BAZ1A: variants seen among roughly 807,000 people sequenced by gnomAD.
BAZ1A encodes bromodomain adjacent to zinc finger domain 1A, also known as bromodomain adjacent to zinc finger domain protein 1A.
BAZ1A carries 50 observed loss-of-function variants against 185.2 expected under a neutral mutation model. The ratio of observed to expected loss-of-function variants is 0.27; its 90% CI spans 0.22 to 0.34. The LOEUF (loss-of-function observed/expected upper bound fraction) is 0.34. BAZ1A is among the 10% of genes least tolerant of loss of function. The pLI is 1.00. For missense variants in BAZ1A, 1,356 were observed against 1,839.9 expected (o/e 0.74, Z 4.81); for synonymous variants, 571 against 615.6 (o/e 0.93, Z 1.07).
At chr14:34,785,056 A>G (rs1188677910) in intron 14 of BAZ1A, among the ~76,000 whole-genome samples, 1 of 151,778 alleles carries the variant, frequency 6.6e-6, no homozygotes, top group Non-Finnish European at 1.5e-5. Context: ...GTGTTTCACC[A>G]TGTTGGCCAG....
At chr14:34,815,198 C>G (rs1332637896) in intron 4 of BAZ1A, among the ~76,000 whole-genome samples, 1 of 152,060 alleles carries the variant, frequency 6.6e-6, no homozygotes, top group Non-Finnish European at 1.5e-5. Flanking sequence ...AAATTTTTTT[C>G]TAATCAGTGA....
chr14:34,753,600 G>A lies in BAZ1A; in HGVS notation c.4579C>T (p.His1527Tyr), dbSNP rs1303027655. 2 of 1,613,756 alleles carry A rather than the reference G, an allele frequency of 1.2e-6. No individual in the cohort carries two copies. Among genetic ancestry groups the A allele is most frequent in the Non-Finnish European group, 1.7e-6 (2 of 1,179,930 alleles). ...KAGTRLQAFF[H>Y]IQAQKLGLHV... ...AGTCCAAGCTTTTGAGCCTGAATAT[G>A]AAAAAATGCTTGAAGCCTAGTTCCA... Residue 1527 changes from histidine to tyrosine, a missense_variant, in exon 27 of 27, where the codon CAT (histidine) becomes TAT (tyrosine). His to Tyr is a moderately conservative substitution (Grantham distance 83). This residue lies in a region of BAZ1A where 61 missense variants were observed against 117.9 expected (regional missense o/e 0.52). Coordinates refer to ENST00000360310, the MANE Select transcript of BAZ1A (RefSeq NM_013448.3).
chr14:34,840,626 G>A (rs2042398171), intron 3 of BAZ1A, among the ~76,000 whole-genome samples: 1 of 152,000 alleles, frequency 6.6e-6, no homozygotes, highest in Admixed American at 6.6e-5. Flanking sequence ...TGGCATGGTG[G>A]TGGGCCCCTG....
intron 3 of BAZ1A, among the ~76,000 whole-genome samples, chr14:34,853,932 T>C (rs2042635829): frequency 6.6e-6 from 1 of 152,266 alleles, no homozygotes; most frequent in Non-Finnish European, 1.5e-5. Flanking sequence ...GCAGTCCCTT[T>C]ACTGGAAATC....
rs747310884 is a variant in BAZ1A at position 34,826,112 on chromosome 14, T to A, written c.437A>T (p.Asn146Ile). 1.2e-6 allele frequency: 2 copies of A among 1,612,642 alleles called. No individual in the cohort carries two copies. The highest frequency in any genetic ancestry group is 3.3e-5 in the Admixed American group (2 of 59,820). The stretch of plus-strand genomic sequence containing the variant: ...GTTAACATGTCCATTAGCAAAACCA[T>A]TTTGATGTGATGGAGGGAGGACTTC... ...ILEVLPPSHQ[N>I]GFANGHVNSV... The change falls in exon 4 of 27, where the codon AAT becomes ATT. Residue 146 changes from asparagine to isoleucine, a missense_variant. Physicochemically the swap from Asn to Ile is moderately radical, Grantham distance 149 (BLOSUM62 -3). Around this residue, in one of 7 missense-constraint regions of BAZ1A, gnomAD observed 332 missense variants for 395.3 expected, o/e 0.84. Transcript: ENST00000360310.
chr14:34,832,228 A>ATATATATATATATATATATATATG (rs1437244262), intron 3 of BAZ1A, among the ~76,000 whole-genome samples: 1 of 143,444 alleles, frequency 7.0e-6, no homozygotes, highest in East Asian at 2.0e-4. Context: ...ATATATATAT[A>ATATATATATATATATATATATATG]TATGTATGTA....
At chr14:34,860,518 T>TAAAAAAAAAAAAAA (rs397852116) in intron 3 of BAZ1A, among the ~76,000 whole-genome samples, 1 of 70,602 alleles carries the variant, frequency 1.4e-5, no homozygotes. Flanking sequence ...TACCAAAAGT[T>TAAAAAAAAAAAAAA]AAAAAAAAAA....
chr14:34,766,567 A>C (rs935154193), intron 21 of BAZ1A, among the ~76,000 whole-genome samples: 1 of 152,152 alleles, frequency 6.6e-6, no homozygotes, highest in Non-Finnish European at 1.5e-5. Context: ...AACAGGCACT[A>C]CATGAAAAAA....
chr14:34,789,637 T>C (rs181869107), intron 12 of BAZ1A, among the ~76,000 whole-genome samples: 1 of 152,286 alleles, frequency 6.6e-6, no homozygotes, highest in African/African-American at 2.4e-5. Flanking sequence ...TTCCCATACT[T>C]TGAAGGGCTT....
chr14:34,820,132 T>TTTG (rs1594872830), intron 4 of BAZ1A, among the ~76,000 whole-genome samples: 1 of 144,184 alleles, frequency 6.9e-6, no homozygotes, highest in East Asian at 2.0e-4. Flanking sequence ...GTTTTTTTTT[T>TTTG]TTTTTTTTTT....
At chr14:34,834,111 G>A (rs950404892) in intron 3 of BAZ1A, among the ~76,000 whole-genome samples, 2 of 152,120 alleles carry the variant, frequency 1.3e-5, no homozygotes, top group African/African-American at 4.8e-5. Flanking sequence ...CTGTACTTTA[G>A]TAACATGAGC....
chr14:34,755,727 C>T (rs1886210606), intron 25 of BAZ1A, among the ~76,000 whole-genome samples: 2 of 137,218 alleles, frequency 1.5e-5, no homozygotes. Context: ...AGATCACATT[C>T]TGCCATATAT....
chr14:34,797,720 T>TCCAG (rs1387226541), intron 9 of BAZ1A, among the ~76,000 whole-genome samples: 6 of 152,218 alleles, frequency 3.9e-5, no homozygotes, highest in Non-Finnish European at 7.3e-5. Flanking sequence ...GCCGGTCCAG[T>TCCAG]CTGCAGCTCC....
intron 3 of BAZ1A, among the ~76,000 whole-genome samples, chr14:34,852,410 G>C (rs1006136641): frequency 1.3e-5 from 2 of 152,160 alleles, no homozygotes; most frequent in South Asian, 4.1e-4. Context: ...CATGGGGCCA[G>C]GAGTTCAAGA....
intron 2 of BAZ1A, among the ~76,000 whole-genome samples, chr14:34,863,334 T>G (rs920328571): frequency 6.6e-6 from 1 of 151,722 alleles, no homozygotes; most frequent in African/African-American, 2.4e-5. Flanking sequence ...CGGCTAATTT[T>G]GTATTTTTAG....
At position 34,866,502 on chromosome 14, in the gene BAZ1A, A is replaced by AAAAAAAAAAAAAAAAAAAAAAAAAGAAAG; in HGVS notation, c.114-4181_114-4180insCTTTCTTTTTTTTTTTTTTTTTTTTTTTT. Among the ~76,000 whole-genome samples, 8 of 79,536 alleles carry AAAAAAAAAAAAAAAAAAAAAAAAAGAAAG rather than the reference A, an allele frequency of 1.0e-4. 1 individual carries two copies. The highest frequency in any genetic ancestry group is 2.7e-4 in the East Asian group (1 of 3,710). The allele number at this position is 79,536 out of a possible 152,430, so 52.2% of individuals were successfully genotyped here. A position where few individuals can be genotyped will look rare whatever the true frequency, so the allele number is the denominator to read the frequency against. The stretch of plus-strand genomic sequence containing the variant: ...AACAATATCTCAAAAAAAAAAAAAA[A>AAAAAAAAAAAAAAAAAAAAAAAAAGAAAG]GAAAAAAGTTCTAACTTTTTCCTAT... On this transcript the variant is annotated intron_variant, in intron 2 of 26. Coordinates refer to ENST00000360310, the MANE Select transcript of BAZ1A (RefSeq NM_013448.3).
At chr14:34,807,155 G>C (rs1881895427) in intron 6 of BAZ1A, among the ~76,000 whole-genome samples, 1 of 150,254 alleles carries the variant, frequency 6.7e-6, no homozygotes, top group Non-Finnish European at 1.5e-5. Flanking sequence ...CACACTATAG[G>C]TATTAGGAAG....
At position 34,831,413 on chromosome 14, in the gene BAZ1A, C is replaced by T. The variant is rs145777523; in HGVS notation, c.393-5257G>A. Among the ~76,000 whole-genome samples, 35 of 152,212 alleles carry T rather than the reference C, an allele frequency of 2.3e-4. 1 individual carries two copies. Among genetic ancestry groups the T allele is most frequent in the African/African-American group, 7.2e-4 (30 of 41,532 alleles). Reference sequence around the variant, plus strand: ...CTGTAAGATAAAATTCTGGTGCTGTCGGCAGCCATATATCCTGCTACATGG... The same window carrying T: ...CTGTAAGATAAAATTCTGGTGCTGTTGGCAGCCATATATCCTGCTACATGG... On this transcript the variant is annotated intron_variant, in intron 3 of 26. Transcript: ENST00000360310.
chr14:34,832,181 TATATAC>T (rs765439481), intron 3 of BAZ1A, among the ~76,000 whole-genome samples: 2,128 of 95,704 alleles, frequency 0.022, 87 homozygotes, highest in Non-Finnish European at 0.032. Flanking sequence ...TATATATACA[TATATAC>T]ATATACACAC....
Sources: gnomAD v4.1 joint callset for allele counts (sites outside exome capture counted in the v4.1 genomes callset) on GRCh38, gnomAD v4.1.1 for gene constraint, gnomAD v4.1.1 regional missense constraint, MANE v1.5 for transcripts, NCBI Gene and HGNC (gene_info 2026-07-23, HGNC 2026-07-21) for gene names.